MAP4: variants seen among roughly 807,000 people sequenced by gnomAD.
MAP4 encodes the protein microtubule-associated protein 4.
MAP4 carries 76 observed loss-of-function variants against 170.2 expected under a neutral mutation model. The ratio of observed to expected loss-of-function variants is 0.45; its 90% confidence interval spans 0.37 to 0.54. The LOEUF (loss-of-function observed/expected upper bound fraction) is 0.54. MAP4 is among the 20% of genes least tolerant of loss of function. The pLI is 0.00. For synonymous variants in MAP4, 909 were observed against 994.5 expected (o/e 0.91, Z 1.62); for missense variants, 2,506 against 2,748.0 (o/e 0.91, Z 1.97).
intron 2 of MAP4, chr3:47,987,559 C>G (rs753536264): frequency 5.6e-5 from 31 of 555,094 alleles, no homozygotes; most frequent in Middle Eastern, 3.1e-4. Flanking sequence ...CAGCCCAGAA[C>G]CGTCCTCCAA....
At chr3:48,066,658 G>A (rs991092787) in intron 1 of MAP4, among the ~76,000 whole-genome samples, 4 of 151,728 alleles carry the variant, frequency 2.6e-5, no homozygotes, top group Non-Finnish European at 2.9e-5. Context: ...GTATATCGCA[G>A]GACATGCAGA....
At chr3:47,896,777 A>C (rs960137362) in intron 10 of MAP4, among the ~76,000 whole-genome samples, 4 of 152,242 alleles carry the variant, frequency 2.6e-5, no homozygotes, top group African/African-American at 2.4e-5. Flanking sequence ...CTAACAGATA[A>C]GAGAAAAAGA....
At chr3:47,928,903 T>C (rs1254404966) in intron 3 of MAP4, among the ~76,000 whole-genome samples, 2 of 150,548 alleles carry the variant, frequency 1.3e-5, no homozygotes, top group Non-Finnish European at 3.0e-5. Context: ...ACTGTTAAGA[T>C]GGCAATCCTG....
At position 47,975,941 on chromosome 3, in the gene MAP4, C is replaced by T. The variant is rs571836025; in HGVS notation, c.292+1924G>A. Among the ~76,000 whole-genome samples, 6 of 152,168 alleles carry T rather than the reference C, an allele frequency of 3.9e-5. No homozygotes were observed. In the East Asian group the frequency reaches 9.7e-4, roughly 24 times the overall value. The stretch of plus-strand genomic sequence containing the variant: ...AGTAGCTGGGACTACAGGCACGTGC[C>T]ACCACGTCCAGCTAATTTTTGTATT... On this transcript the variant is annotated intron_variant, in intron 3 of 20. Transcript: ENST00000683076.
intron 12 of MAP4, among the ~76,000 whole-genome samples, chr3:47,872,377 G>GT (rs1228118571): frequency 6.6e-6 from 1 of 152,074 alleles, no homozygotes; most frequent in African/African-American, 2.4e-5. Context: ...TAGAGACAGG[G>GT]TTTCACCGTG....
intron 17 of MAP4, among the ~76,000 whole-genome samples, chr3:47,866,789 G>T (rs888739351): frequency 6.6e-6 from 1 of 152,042 alleles, no homozygotes; most frequent in African/African-American, 2.4e-5. Flanking sequence ...AGAAAATGTT[G>T]ATTAATTCTT....
In MAP4 at chr3:47,853,359, T is replaced by C; in HGVS notation, c.6697-7A>G. On this transcript the variant is annotated splice_polypyrimidine_tract_variant and splice_region_variant and intron_variant, in intron 19 of 20. Coordinates refer to ENST00000683076, the MANE Select transcript of MAP4 (RefSeq NM_001385682.1). ...CGCTGCCACCGCCCTCAGTCTACAA[T>C]GAAACAGTGGGGGAGACAGTGCAGG... 3 of 1,595,828 alleles carry C rather than the reference T, an allele frequency of 1.9e-6. No homozygotes were observed. The highest frequency in any genetic ancestry group is 2.6e-6 in the Non-Finnish European group (3 of 1,173,458).
intron 1 of MAP4, 142 bp downstream of exon 1, chr3:48,016,192 T>G (rs890060103): frequency 6.6e-6 from 1 of 152,312 alleles, no homozygotes; most frequent in African/African-American, 2.4e-5. Context: ...TTTACTTTCA[T>G]GTAGTTACCA....
chr3:47,965,844 C>G (rs376578571), intron 3 of MAP4, among the ~76,000 whole-genome samples: 1 of 152,122 alleles, frequency 6.6e-6, no homozygotes, highest in Non-Finnish European at 1.5e-5. Context: ...GTTGCCTTTT[C>G]ACTCTACAGA....
rs957178404 is a variant in MAP4 at position 47,871,937 on chromosome 3, A to T, written c.5921T>A (p.Leu1974His). 7.4e-6 allele frequency: 12 copies of T among 1,612,388 alleles called. No individual in the cohort carries two copies. The African/African-American group carries it at 9.3e-5, about 13-fold the overall frequency. ...CTCACCAGTGGGCTTCTTGGGCAGG[A>T]GCGTGGAGGGGCTCCTACTGCTTGG... ...TGPSSRSPST[L>H]LPKKPTAIKT... Residue 1974 changes from leucine (L) to histidine (H), a missense_variant, in exon 13 of 21, where the codon CTC (leucine) becomes CAC (histidine). This residue lies in a region of MAP4 where 487 missense variants were observed against 511.6 expected (regional missense o/e 0.95). Transcript: ENST00000683076.
chr3:47,939,498 TAA>T (rs1246528846), intron 3 of MAP4, among the ~76,000 whole-genome samples: 1 of 152,160 alleles, frequency 6.6e-6, no homozygotes, highest in Non-Finnish European at 1.5e-5. Flanking sequence ...CTAAATGATG[TAA>T]GTTAAATTCA....
chr3:48,070,031 T>C (rs2100140197), intron 1 of MAP4, among the ~76,000 whole-genome samples: 1 of 152,154 alleles, frequency 6.6e-6, no homozygotes, highest in Non-Finnish European at 1.5e-5. Flanking sequence ...TAGAATGTAG[T>C]GGCACGATCA....
In MAP4 at chr3:47,963,901, C is replaced by T. The variant is rs370897821; in HGVS notation, c.292+13964G>A. On this transcript the variant is annotated intron_variant, in intron 3 of 20. Coordinates refer to ENST00000683076, the MANE Select transcript of MAP4 (RefSeq NM_001385682.1). Reference sequence around the variant, plus strand: ...GGGGTGCAATTTTTAAAAAGATAGTCGAGAAGTACTCATTGAGAAAGTGAA... The same window carrying T: ...GGGGTGCAATTTTTAAAAAGATAGTTGAGAAGTACTCATTGAGAAAGTGAA... 2.1e-4 allele frequency among the ~76,000 whole-genome samples: 32 copies of T among 152,200 alleles called. 1 individual carries two copies. The highest frequency in any genetic ancestry group is 2.6e-4 in the Admixed American group (4 of 15,270).
chr3:48,004,057 C>A (rs535203578), intron 1 of MAP4, among the ~76,000 whole-genome samples: 1 of 152,162 alleles, frequency 6.6e-6, no homozygotes, highest in Non-Finnish European at 1.5e-5. Flanking sequence ...TCAATACTTA[C>A]TAAATTCCTC....
chr3:47,972,810 C>T (rs951564424), intron 3 of MAP4, among the ~76,000 whole-genome samples: 8 of 151,392 alleles, frequency 5.3e-5, no homozygotes, highest in African/African-American at 9.7e-5. Flanking sequence ...GGCGTGAACC[C>T]GGGAAGCGGA....
chr3:47,947,781 A>G (rs1394122920), intron 3 of MAP4, among the ~76,000 whole-genome samples: 1 of 149,036 alleles, frequency 6.7e-6, no homozygotes, highest in African/African-American at 2.5e-5. Flanking sequence ...ACTGCACTCC[A>G]GCCTGGGCGA....
At chr3:47,995,438 G>T (rs1450996036) in intron 2 of MAP4, among the ~76,000 whole-genome samples, 1 of 151,696 alleles carries the variant, frequency 6.6e-6, no homozygotes. Flanking sequence ...TTTAGTAGAG[G>T]TATGGTTTCA....
chr3:47,967,787 C>T (rs898006553), intron 3 of MAP4, among the ~76,000 whole-genome samples: 5 of 152,132 alleles, frequency 3.3e-5, no homozygotes, highest in East Asian at 1.9e-4. Context: ...AAAAGCAAGA[C>T]CCTGTCTCTA....
chr3:47,988,446 G>A (rs1157095209), intron 2 of MAP4, among the ~76,000 whole-genome samples: 1 of 152,044 alleles, frequency 6.6e-6, no homozygotes, highest in Non-Finnish European at 1.5e-5. Flanking sequence ...ACATAGGTGA[G>A]GAGGAAATAT....
Sources: allele counts gnomAD v4.1 joint callset (sites outside exome capture counted in the v4.1 genomes callset), GRCh38; gene constraint gnomAD v4.1.1; regional missense constraint gnomAD v4.1.1; transcripts MANE v1.5; gene names NCBI Gene and HGNC (gene_info 2026-07-23, HGNC 2026-07-21).